The following HEATR4 variants were observed in gnomAD, a reference collection of about 807,000 sequenced individuals.
HEATR4 encodes HEAT repeat containing 4.
HEATR4 carries 95 observed loss-of-function variants against 108.8 expected under a neutral mutation model. That is an observed-to-expected ratio of 0.87 (90% CI 0.74 to 1.04). The LOEUF (loss-of-function observed/expected upper bound fraction) is 1.04, where lower values mean the gene tolerates loss of function less well. Ranked by LOEUF, HEATR4 falls within the 50% of genes least tolerant of loss-of-function variation. The pLI is 0.00. For missense variants in HEATR4, 1,152 were observed against 1,253.8 expected (o/e 0.92, Z 1.23); for synonymous variants, 443 against 459.4 (o/e 0.96, Z 0.46).
At chr14:73,607,701 G>A in the HEATR4 span, among the ~76,000 whole-genome samples, 3 of 151,948 alleles carry the variant, frequency 2.0e-5, no homozygotes, top group Admixed American at 1.3e-4. Flanking sequence ...TGGGCTCACT[G>A]CAACCTCTGC....
the HEATR4 span, among the ~76,000 whole-genome samples, chr14:73,597,719 G>A: frequency 6.1e-5 from 9 of 147,686 alleles, no homozygotes; most frequent in African/African-American, 2.3e-4. Context: ...TCAGCCTCTC[G>A]AGTAGCTGGG....
intron 16 of HEATR4, 38 bp from the exon 17 acceptor site, chr14:73,493,162 A>G: frequency 6.4e-7 from 1 of 1,562,698 alleles, no homozygotes; most frequent in African/African-American, 1.4e-5. Context: ...GGAGGTGGAA[A>G]AAAAACCCTT....
At chr14:73,526,313 C>T (rs538078346) in intron 2 of HEATR4, among the ~76,000 whole-genome samples, 4 of 152,302 alleles carry the variant, frequency 2.6e-5, no homozygotes, top group African/African-American at 7.2e-5. Flanking sequence ...GTTCTGCCAC[C>T]AGCTGACCAA....
the HEATR4 span, among the ~76,000 whole-genome samples, chr14:73,603,909 T>C: frequency 6.6e-6 from 1 of 151,966 alleles, no homozygotes; most frequent in Non-Finnish European, 1.5e-5. Context: ...AATTTTTGTA[T>C]TTTTAGTAGA....
intron 1 of HEATR4, among the ~76,000 whole-genome samples, chr14:73,536,516 T>TAAAAA (rs543491523): frequency 1.7e-5 from 1 of 59,346 alleles, no homozygotes; most frequent in African/African-American, 6.2e-5. Context: ...CCTGTCTCTT[T>TAAAAA]AAAAAAAAAA....
At chr14:73,485,441 T>C (rs1026678133) in intron 17 of HEATR4, among the ~76,000 whole-genome samples, 2 of 151,712 alleles carry the variant, frequency 1.3e-5, no homozygotes, top group African/African-American at 4.9e-5. Context: ...TTGGCTCTAT[T>C]GCCCAGGCTG....
chr14:73,524,611 T>C (rs1217410124), intron 2 of HEATR4, among the ~76,000 whole-genome samples: 1 of 149,922 alleles, frequency 6.7e-6, no homozygotes, highest in African/African-American at 2.5e-5. Context: ...GAGAGGTAGG[T>C]AAATTGCTTC....
chr14:73,563,196 G>A (rs1485290889), upstream of HEATR4, among the ~76,000 whole-genome samples: 1 of 138,360 alleles, frequency 7.2e-6, no homozygotes, highest in African/African-American at 2.7e-5. Context: ...GTCTCTATTT[G>A]TCAGCCGGCC....
At chr14:73,527,548 G>A (rs954247484) in intron 2 of HEATR4, among the ~76,000 whole-genome samples, 7 of 80,350 alleles carry the variant, frequency 8.7e-5, no homozygotes, top group Admixed American at 8.5e-4. Context: ...CTTTCACTTC[G>A]CAAAAGAAAA....
intron 1 of HEATR4, among the ~76,000 whole-genome samples, chr14:73,533,654 G>A (rs572230023): frequency 8.9e-6 from 1 of 111,914 alleles, no homozygotes; most frequent in South Asian, 2.9e-4. Context: ...ACTCCAGCCT[G>A]GGGGGACAGA....
chr14:73,597,827 T>G, the HEATR4 span, among the ~76,000 whole-genome samples: 2 of 150,992 alleles, frequency 1.3e-5, no homozygotes, highest in African/African-American at 4.9e-5. Flanking sequence ...TCCCTGACCT[T>G]GTGATCCATC....
chr14:73,523,916 A>G (rs1177532678), intron 2 of HEATR4, among the ~76,000 whole-genome samples: 1 of 152,188 alleles, frequency 6.6e-6, no homozygotes, highest in East Asian at 1.9e-4. Context: ...TCCATTGCCC[A>G]GTGACCATGT....
chr14:73,538,765 C>G lies in HEATR4; in HGVS notation c.-151-8521G>C, dbSNP rs1195570904. On this transcript the variant is annotated intron_variant, in intron 1 of 17. Transcript: ENST00000553558. ...GGCCGAGGCAGGCGGATCAAGAGTT[C>G]GAGACCAGCCTGGCCAACATGGTGA... Among the ~76,000 whole-genome samples the G allele has an allele frequency of 5.3e-5, 6 of 113,584 alleles. 3 individuals carry two copies. The East Asian group carries it at 4.2e-3, about 79-fold the overall frequency. 74.5% of individuals were successfully genotyped at this position (113,584 alleles called of 152,430 possible). A position where few individuals can be genotyped will look rare whatever the true frequency, so the allele number is the denominator to read the frequency against.
intron 2 of HEATR4, among the ~76,000 whole-genome samples, chr14:73,526,431 T>G (rs778871920): frequency 4.5e-4 from 69 of 152,188 alleles, no homozygotes; most frequent in Admixed American, 1.1e-3. Flanking sequence ...GGACTTTGGG[T>G]GTGTGTGACC....
At chr14:73,520,829 C>T (rs750881754) in intron 4 of HEATR4, 23 bp downstream of exon 4, 2 of 1,601,108 alleles carry the variant, frequency 1.2e-6, no homozygotes, top group Non-Finnish European at 8.5e-7. Flanking sequence ...TGTGCCCCTA[C>T]CACAGGGGCC....
In HEATR4 at chr14:73,478,599, G is replaced by A. The variant is rs761364908; in HGVS notation, c.*7C>T. The A allele has an allele frequency of 1.9e-6, 3 of 1,584,346 alleles. No individual in the cohort carries two copies. Among genetic ancestry groups the A allele is most frequent in the African/African-American group, 1.3e-5 (1 of 74,308 alleles). ...TCCTGCATCTTGAAGTAAGACAAGT[G>A]TTCAGCTTAGAGATGAGCACCTTTC... On this transcript the variant is annotated 3_prime_UTR_variant, in exon 18 of 18. Coordinates refer to ENST00000553558, the MANE Select transcript of HEATR4 (RefSeq NM_001220484.1).
chr14:73,505,213 G>C (rs1886733943), intron 10 of HEATR4, among the ~76,000 whole-genome samples: 1 of 152,056 alleles, frequency 6.6e-6, no homozygotes. Context: ...CACCGTACCG[G>C]ACCCCTTCAC....
At chr14:73,562,874 A>G (rs1331755229), upstream of HEATR4, among the ~76,000 whole-genome samples, 1 of 152,036 alleles carries the variant, frequency 6.6e-6, no homozygotes, top group Non-Finnish European at 1.5e-5. Context: ...ACCGCTGAAC[A>G]CAACCCTTAT....
At chr14:73,595,874 C>A in the HEATR4 span, 1 of 423,424 alleles carries the variant, frequency 2.4e-6, no homozygotes, top group East Asian at 3.7e-5. Flanking sequence ...AAGTGAAAAA[C>A]ATTCCCACCA....
Sources: allele counts gnomAD v4.1 joint callset (sites outside exome capture counted in the v4.1 genomes callset), GRCh38; gene constraint gnomAD v4.1.1; transcripts MANE v1.5; gene names NCBI Gene and HGNC (gene_info 2026-07-23, HGNC 2026-07-21).